The following RAB33A variants were observed in gnomAD, a reference collection of about 807,000 sequenced individuals.
RAB33A encodes the protein ras-related protein Rab-33A.
A neutral mutation model predicts 12.0 loss-of-function variants in RAB33A; 6 were observed. That is an observed-to-expected ratio of 0.50 (90% CI 0.27 to 0.99). RAB33A has a LOEUF of 0.99. RAB33A is among the 50% of genes least tolerant of loss of function. The pLI, the probability that RAB33A is intolerant of heterozygous loss-of-function variation, is 0.11. For missense variants in RAB33A, 109 were observed against 192.0 expected, an observed-to-expected ratio of 0.57 and a Z score of 2.55; for synonymous variants, 70 against 82.4, an observed-to-expected ratio of 0.85 and a Z score of 0.81.
chrX:130,155,834 G>C, the RAB33A span, among the ~76,000 whole-genome samples: 1 of 111,609 alleles, frequency 9.0e-6, no homozygotes, highest in Non-Finnish European at 1.9e-5. Flanking sequence ...ATTCCTCTGT[G>C]ACCTGCTAAG....
the RAB33A span, among the ~76,000 whole-genome samples, chrX:130,154,399 A>T: frequency 8.9e-6 from 1 of 112,333 alleles, no homozygotes; most frequent in African/African-American, 3.2e-5. Context: ...AAAGGCTTTA[A>T]ATCTATTTTT....
At chrX:130,180,055 A>G (rs1489141063) in intron 1 of RAB33A, among the ~76,000 whole-genome samples, 1 of 110,259 alleles carries the variant, frequency 9.1e-6, no homozygotes, top group African/African-American at 3.3e-5. Flanking sequence ...TGAGATTTGG[A>G]TAGGGCAATG....
At chrX:130,124,283 C>T in the RAB33A span, among the ~76,000 whole-genome samples, 1 of 111,948 alleles carries the variant, frequency 8.9e-6, no homozygotes, top group East Asian at 2.8e-4. Context: ...GAGCCTAGTA[C>T]AGTACTATGG....
intron 1 of RAB33A, among the ~76,000 whole-genome samples, chrX:130,179,100 G>A (rs1399359277): frequency 9.1e-6 from 1 of 110,174 alleles, no homozygotes; most frequent in Non-Finnish European, 1.9e-5. Flanking sequence ...TCTCACGACA[G>A]ACACGTCTGC....
At chrX:130,122,902 T>C in the RAB33A span, among the ~76,000 whole-genome samples, 1 of 112,104 alleles carries the variant, frequency 8.9e-6, no homozygotes, top group Non-Finnish European at 1.9e-5. Context: ...TAAGACAATG[T>C]ACAATGTACA....
the RAB33A span, among the ~76,000 whole-genome samples, chrX:130,144,958 G>A: frequency 1.8e-5 from 2 of 111,606 alleles, no homozygotes; most frequent in Non-Finnish European, 3.8e-5. Flanking sequence ...CAGAGAATGC[G>A]TCCCTATTGG....
chrX:130,112,218 C>G, the RAB33A span, among the ~76,000 whole-genome samples: 2 of 112,053 alleles, frequency 1.8e-5, no homozygotes. Context: ...GAATCAAGTC[C>G]CCAAAACAAG....
chrX:130,156,302 T>C, the RAB33A span, among the ~76,000 whole-genome samples: 4 of 112,185 alleles, frequency 3.6e-5, no homozygotes, highest in Admixed American at 9.5e-5. Flanking sequence ...TTGGCTCCCA[T>C]AAGATATTAG....
chrX:130,127,707 T>TTGG, the RAB33A span, among the ~76,000 whole-genome samples: 1 of 98,639 alleles, frequency 1.0e-5, no homozygotes, highest in African/African-American at 3.9e-5. Context: ...TTTTTTTTTT[T>TTGG]GAGATGGAAT....
chrX:130,113,063 T>C, the RAB33A span, among the ~76,000 whole-genome samples: 2 of 96,152 alleles, frequency 2.1e-5, no homozygotes, highest in East Asian at 6.3e-4. Context: ...TCTTTTTCTT[T>C]TTTTTTTTTC....
the RAB33A span, among the ~76,000 whole-genome samples, chrX:130,124,967 G>GT: frequency 8.9e-6 from 1 of 112,105 alleles, no homozygotes; most frequent in Non-Finnish European, 1.9e-5. Flanking sequence ...CAGGATGGGG[G>GT]TGGGGGTTGT....
At chrX:130,149,232 T>C in the RAB33A span, among the ~76,000 whole-genome samples, 1 of 111,882 alleles carries the variant, frequency 8.9e-6, no homozygotes, top group Non-Finnish European at 1.9e-5. Context: ...AAGAGACTAA[T>C]ATTAATATAC....
At chrX:130,117,605 G>T in the RAB33A span, among the ~76,000 whole-genome samples, 1 of 112,375 alleles carries the variant, frequency 8.9e-6, no homozygotes. Context: ...CTGGCTTTAG[G>T]CAGAGTCAGC....
chrX:130,112,384 C>G, the RAB33A span, among the ~76,000 whole-genome samples: 1 of 111,587 alleles, frequency 9.0e-6, no homozygotes, highest in African/African-American at 3.3e-5. Context: ...CTTTGAAATT[C>G]ACGAATGGAC....
the RAB33A span, chrX:130,138,562 A>C: frequency 1.9e-6 from 2 of 1,048,593 alleles, no homozygotes; most frequent in Non-Finnish European, 2.7e-6. Context: ...AGACTAGAGA[A>C]AGAAAATCAA....
At chrX:130,136,539 T>A in the RAB33A span, 1 of 742,873 alleles carries the variant, frequency 1.3e-6, no homozygotes, top group South Asian at 2.2e-5. Flanking sequence ...TAATGGCAAC[T>A]GCCAGGAAAA....
At chrX:130,132,043 T>C in the RAB33A span, among the ~76,000 whole-genome samples, 5 of 111,537 alleles carry the variant, frequency 4.5e-5, no homozygotes, top group Non-Finnish European at 7.5e-5. Flanking sequence ...GGCTAATTTT[T>C]GTATTTTTAG....
At chrX:130,140,600 C>T in the RAB33A span, 1 of 1,208,037 alleles carries the variant, frequency 8.3e-7, no homozygotes. Flanking sequence ...TGTTGTCTCT[C>T]ACATCCAGCT....
the RAB33A span, among the ~76,000 whole-genome samples, chrX:130,144,260 G>T: frequency 9.0e-6 from 1 of 110,856 alleles, no homozygotes; most frequent in African/African-American, 3.3e-5. Flanking sequence ...CTCTGAAATG[G>T]TCTCTCTCTA....
Sources: gnomAD v4.1 joint callset for allele counts (sites outside exome capture counted in the v4.1 genomes callset) on GRCh38, gnomAD v4.1.1 for gene constraint, MANE v1.5 for transcripts, NCBI Gene and HGNC (gene_info 2026-07-23, HGNC 2026-07-21) for gene names.